Variants in SFMBT1 observed in about 807,000 individuals in gnomAD.
The protein encoded by SFMBT1 is Scm like with four mbt domains 1.
Under a neutral mutation model 108.7 loss-of-function variants are expected in SFMBT1, and 32 were observed. The ratio of observed to expected loss-of-function variants is 0.29; its 90% CI spans 0.22 to 0.40. The LOEUF is 0.40. SFMBT1 is among the 10% of genes least tolerant of loss of function. The pLI is 1.00. For synonymous variants in SFMBT1, 348 were observed against 369.5 expected (o/e 0.94, Z 0.67); for missense variants, 816 against 1,059.6 (o/e 0.77, Z 3.19).
At chr3:52,926,452 A>G (rs1455567686) in intron 9 of SFMBT1, among the ~76,000 whole-genome samples, 1 of 152,204 alleles carries the variant, frequency 6.6e-6, no homozygotes, top group Non-Finnish European at 1.5e-5. Context: ...TTTGATTTGT[A>G]TATATAAATC....
At chr3:53,030,715 C>A (rs1427943883) in intron 1 of SFMBT1, among the ~76,000 whole-genome samples, 1 of 142,546 alleles carries the variant, frequency 7.0e-6, no homozygotes, top group Admixed American at 7.1e-5. Context: ...AATCTACTTG[C>A]TTCTCCAACA....
At chr3:53,008,454 A>AT (rs1200646723) in intron 1 of SFMBT1, among the ~76,000 whole-genome samples, 1 of 152,198 alleles carries the variant, frequency 6.6e-6, no homozygotes, top group Non-Finnish European at 1.5e-5. Flanking sequence ...ATACACACAA[A>AT]TTCTTTCCAA....
intron 10 of SFMBT1, among the ~76,000 whole-genome samples, chr3:52,923,514 C>T (rs1179235800): frequency 6.6e-6 from 1 of 150,650 alleles, no homozygotes; most frequent in African/African-American, 2.4e-5. Flanking sequence ...GAGCCAGGAT[C>T]GTGCCATTGC....
In SFMBT1 at chr3:52,924,322, G is replaced by A. The variant is rs139077815; in HGVS notation, c.1131+1709C>T. Reference sequence around the variant, plus strand: ...CAAAAGGGGAGTGGGCAATTCCCTGGGTGACAAGGGCATTTCCATGATTAA... The same window carrying A: ...CAAAAGGGGAGTGGGCAATTCCCTGAGTGACAAGGGCATTTCCATGATTAA... On this transcript the variant is annotated intron_variant, in intron 10 of 20. Coordinates refer to ENST00000394752, the MANE Select transcript of SFMBT1 (RefSeq NM_016329.4). Among the ~76,000 whole-genome samples the A allele has an allele frequency of 2.0e-5, 3 of 152,212 alleles. No individual in the cohort carries two copies. The East Asian group carries it at 5.8e-4, about 29-fold the overall frequency.
At chr3:52,930,452 G>A (rs1378618848) in intron 7 of SFMBT1, 22 bp from the exon 8 acceptor site, 1 of 1,358,876 alleles carries the variant, frequency 7.4e-7, no homozygotes, top group East Asian at 2.3e-5. Flanking sequence ...ACACCAAAAG[G>A]GGATGAAAAC....
chr3:52,954,188 A>T (rs1703698667), intron 3 of SFMBT1, 129 bp downstream of exon 3: 2 of 670,934 alleles, frequency 3.0e-6, no homozygotes, highest in Non-Finnish European at 5.1e-6. Context: ...GGGTGGCAGG[A>T]GGAAAGAAAA....
At chr3:52,918,589 G>A in intron 12 of SFMBT1, 63 bp from the exon 13 acceptor site, 1 of 1,071,706 alleles carries the variant, frequency 9.3e-7, no homozygotes, top group Non-Finnish European at 1.3e-6. Flanking sequence ...AAATTCATAT[G>A]TGTATTAAGG....
At chr3:52,993,528 C>T (rs1390074572) in intron 1 of SFMBT1, among the ~76,000 whole-genome samples, 1 of 149,920 alleles carries the variant, frequency 6.7e-6, no homozygotes, top group South Asian at 2.1e-4. Flanking sequence ...AATTAGTATA[C>T]CAACCTTCCC....
intron 9 of SFMBT1, 55 bp from the exon 10 acceptor site, chr3:52,926,168 T>G (rs1252066748): frequency 1.3e-6 from 2 of 1,513,898 alleles, no homozygotes; most frequent in Admixed American, 3.7e-5. Context: ...TACGCCTGCC[T>G]GGCTTCACCC....
At chr3:52,916,356 CTTTTTTTTTTTTT>C (rs71087030) in intron 13 of SFMBT1, 142 bp from the exon 14 acceptor site, 3,823 of 346,096 alleles carry the variant, frequency 0.011, 164 homozygotes, top group African/African-American at 0.086. Context: ...CTTGATGATA[CTTTTTTTTTTTTT>C]TTTTTTTTTT....
At chr3:53,016,032 T>C (rs1482921049) in intron 1 of SFMBT1, among the ~76,000 whole-genome samples, 2 of 152,190 alleles carry the variant, frequency 1.3e-5, no homozygotes, top group African/African-American at 4.8e-5. Context: ...AAGAACAGTA[T>C]ACTATGGTTT....
At chr3:53,008,797 G>A (rs539721032) in intron 1 of SFMBT1, among the ~76,000 whole-genome samples, 32 of 151,882 alleles carry the variant, frequency 2.1e-4, no homozygotes, top group South Asian at 6.2e-4. Context: ...CACCACGCCC[G>A]GCTAATTTTT....
At chr3:52,943,289 G>C (rs1255420576) in intron 4 of SFMBT1, 64 bp downstream of exon 4, 1 of 1,605,070 alleles carries the variant, frequency 6.2e-7, no homozygotes, top group Admixed American at 1.7e-5. Context: ...CCTCAAGACT[G>C]TGGACAATCC....
intron 13 of SFMBT1, among the ~76,000 whole-genome samples, chr3:52,917,743 T>C (rs1396755130): frequency 3.3e-5 from 5 of 152,120 alleles, no homozygotes; most frequent in East Asian, 1.9e-4. Context: ...GGGATCTAGA[T>C]TGCATGCCCC....
At chr3:53,008,546 C>T (rs761775401) in intron 1 of SFMBT1, among the ~76,000 whole-genome samples, 5 of 150,074 alleles carry the variant, frequency 3.3e-5, no homozygotes, top group Non-Finnish European at 5.9e-5. Context: ...TGTTGCATAA[C>T]AAAAAAGAAA....
intron 3 of SFMBT1, among the ~76,000 whole-genome samples, chr3:52,950,198 C>T (rs974793260): frequency 6.6e-6 from 1 of 152,066 alleles, no homozygotes; most frequent in Non-Finnish European, 1.5e-5. Context: ...TCTTTATCTG[C>T]CTTCTGTGGT....
Position 52,993,766 on chromosome 3 carries a change from T to C in SFMBT1, c.-130-24508A>G, listed in dbSNP as rs1698218389. On this transcript the variant is annotated intron_variant, in intron 1 of 20. Transcript: ENST00000394752. ...TAACAGTAAAATAGCAAGCGCTCAATATAATTTATGTCAATTTTGTAACTT... is the reference window on the plus strand; with the variant it reads ...TAACAGTAAAATAGCAAGCGCTCAACATAATTTATGTCAATTTTGTAACTT... Among the ~76,000 whole-genome samples the C allele has an allele frequency of 2.0e-5, 3 of 150,316 alleles. 1 individual carries two copies. Among genetic ancestry groups the C allele is most frequent in the African/African-American group, 7.3e-5 (3 of 41,296 alleles).
chr3:53,037,242 A>C (rs1699896776), intron 1 of SFMBT1, among the ~76,000 whole-genome samples: 1 of 152,158 alleles, frequency 6.6e-6, no homozygotes, highest in Non-Finnish European at 1.5e-5. Flanking sequence ...CTAGAAGGGG[A>C]GGCCAGAAGA....
chr3:52,909,678 A>G (rs531177907), intron 17 of SFMBT1, among the ~76,000 whole-genome samples: 1 of 152,308 alleles, frequency 6.6e-6, no homozygotes, highest in East Asian at 1.9e-4. Flanking sequence ...TTCCATTTTA[A>G]CAAGGTAAAA....
Sources: gnomAD v4.1 joint callset for allele counts (sites outside exome capture counted in the v4.1 genomes callset) on GRCh38, gnomAD v4.1.1 for gene constraint, MANE v1.5 for transcripts, NCBI Gene and HGNC (gene_info 2026-07-23, HGNC 2026-07-21) for gene names.